Variants in TNFRSF18 observed in about 807,000 individuals in gnomAD.
TNFRSF18 encodes TNF receptor superfamily member 18, also known as tumor necrosis factor receptor superfamily member 18.
In TNFRSF18, 36 loss-of-function variants were observed where a neutral mutation model predicts 30.2. The ratio of observed to expected loss-of-function variants is 1.19; its 90% CI spans 0.91 to 1.58. TNFRSF18 has a LOEUF of 1.58. Among genes scored for constraint, TNFRSF18 ranks in the 40% most tolerant of loss-of-function variants. The pLI is 0.00. For missense variants in TNFRSF18, 369 were observed against 345.4 expected (o/e 1.07, Z -0.54); for synonymous variants, 173 against 158.3 (o/e 1.09, Z -0.70).
Position 1,204,306 on chromosome 1 carries a change from C to T in TNFRSF18, c.399-70G>A, listed in dbSNP as rs1570454187. 14 of 1,591,480 alleles carry T rather than the reference C, an allele frequency of 8.8e-6. No individual in the cohort carries two copies. The East Asian group carries it at 2.7e-4, about 31-fold the overall frequency. On this transcript the variant is annotated intron_variant, in intron 3 of 4. Coordinates refer to ENST00000379268, the MANE Select transcript of TNFRSF18 (RefSeq NM_004195.3). Reference sequence around the variant, plus strand: ...CTCCGATCAGCCCCCGGCTGCTGCCCTCCGTGCTGTCTGGGGCAAGGGACA... The same window carrying T: ...CTCCGATCAGCCCCCGGCTGCTGCCTTCCGTGCTGTCTGGGGCAAGGGACA...
At position 1,206,495 on chromosome 1, in the gene TNFRSF18, T is replaced by C. The variant is rs1294215002; in HGVS notation, c.77A>G (p.Gln26Arg). 1.3e-6 allele frequency: 2 copies of C among 1,545,292 alleles called. No homozygotes were observed. The highest frequency in any genetic ancestry group is 2.8e-5 in the African/African-American group (2 of 72,424). ...GCACCCGGGACCCCCGGTGGGGCGC[T>C]GACCCAGGCTGAGCGCGCACAGCAG... ...LALLCALSLG[Q>R]RPTGGPGCGP... The change falls in exon 1 of 5, where the codon CAG (glutamine) becomes CGG (arginine). Residue 26 changes from glutamine to arginine, a missense_variant. Physicochemically the swap from Gln to Arg is conservative, Grantham distance 43. Coordinates refer to ENST00000379268, the MANE Select transcript of TNFRSF18 (RefSeq NM_004195.3).
rs11466695 is a variant in TNFRSF18 at position 1,203,836 on chromosome 1, G to A, written c.*8C>T. 7,355 of 1,589,568 alleles carry A rather than the reference G, an allele frequency of 4.6e-3. 36 individuals are homozygous for A. The highest frequency in any genetic ancestry group is 5.6e-3 in the Non-Finnish European group (6,593 of 1,173,646). ...GCTGCGGTCGGTGGCCCCGGAGGAC[G>A]GCCAGGCTCACACCCACAGGTCTCC... On this transcript the variant is annotated 3_prime_UTR_variant, in exon 5 of 5. Transcript: ENST00000379268.
chr1:1,206,413 G>A lies in TNFRSF18; in HGVS notation c.159C>T (p.His53=). 3 of 1,547,526 alleles carry A rather than the reference G, an allele frequency of 1.9e-6. No homozygotes were observed. The highest frequency in any genetic ancestry group is 2.6e-6 in the Non-Finnish European group (3 of 1,146,316). Residue 53 remains histidine (H), a synonymous_variant, in exon 1 of 5, where the codon CAC becomes CAT. Coordinates refer to ENST00000379268, the MANE Select transcript of TNFRSF18 (RefSeq NM_004195.3). The stretch of plus-strand genomic sequence containing the variant: ...GGTAATCGCGGCAGCAGCGCGTCGT[G>A]TGAACCCGGCAGCAGCGCGCGTCCG... ...TGTDARCCRV[H]TTRCCRDYPG... is the part of the protein sequence containing the mutation.
intron 2 of TNFRSF18, 22 bp from the exon 3 acceptor site, chr1:1,204,508 G>A (rs900302988): frequency 1.3e-6 from 2 of 1,495,628 alleles, no homozygotes; most frequent in Non-Finnish European, 1.9e-6. Flanking sequence ...TGTGGGGGGA[G>A]GGAGGGAGGG....
At position 1,204,205 on chromosome 1, in the gene TNFRSF18, G is replaced by A. The variant is rs1214676967; in HGVS notation, c.430C>T (p.Pro144Ser). 2 of 1,611,800 alleles carry A rather than the reference G, an allele frequency of 1.2e-6. No individual in the cohort carries two copies. Among genetic ancestry groups the A allele is most frequent in the Non-Finnish European group, 1.7e-6 (2 of 1,179,548 alleles). The part of the protein sequence containing the change: ...CTQFGFLTVF[P>S]GNKTHNAVCV... ...ACAGCGTTGTGGGTCTTGTTCCCAG[G>A]GAACACAGTGAGAAACCCGAACTGG... is the stretch of plus-strand genomic sequence containing the variant. Residue 144 changes from proline to serine, a missense_variant, in exon 4 of 5, where the codon CCT becomes TCT. By Grantham distance (74) the Pro-to-Ser change is moderately conservative. Transcript: ENST00000379268.
At chr1:1,205,656 A>C (rs899969437) in intron 1 of TNFRSF18, 164 bp from the exon 2 acceptor site, 1 of 720,832 alleles carries the variant, frequency 1.4e-6, no homozygotes, top group Non-Finnish European at 2.3e-6. Flanking sequence ...GGGTTTATCC[A>C]GCTGTCTCTT....
Position 1,204,203 on chromosome 1 carries a change from A to G in TNFRSF18, c.432T>C (p.Pro144=). Residue 144 remains proline (P), a synonymous_variant, in exon 4 of 5, where the codon CCT becomes CCC. Coordinates refer to ENST00000379268, the MANE Select transcript of TNFRSF18 (RefSeq NM_004195.3). ...CTQFGFLTVF[P]GNKTHNAVCV... is the part of the protein sequence containing the mutation. ...ACACAGCGTTGTGGGTCTTGTTCCC[A>G]GGGAACACAGTGAGAAACCCGAACT... 1 of 1,611,934 alleles carries G rather than the reference A, an allele frequency of 6.2e-7. No homozygotes were observed. Among genetic ancestry groups the G allele is most frequent in the Non-Finnish European group, 8.5e-7 (1 of 1,179,542 alleles).
At position 1,205,285 on chromosome 1, in the gene TNFRSF18, G is replaced by T. The variant is rs935136468; in HGVS notation, c.310+85C>A. The T allele has an allele frequency of 1.3e-6, 2 of 1,547,286 alleles. No homozygotes were observed. Among genetic ancestry groups the T allele is most frequent in the Admixed American group, 2.0e-5 (1 of 51,248 alleles). ...ACCCCACACACCACATGTCCTCGCC[G>T]GACACCTGTGCCCACGAGCTCTGCC... On this transcript the variant is annotated intron_variant, in intron 2 of 4. Transcript: ENST00000379268.
At position 1,206,450 on chromosome 1, in the gene TNFRSF18, A is replaced by T. The variant is rs1457008558; in HGVS notation, c.122T>A (p.Leu41His). 1.3e-6 allele frequency: 2 copies of T among 1,547,316 alleles called. No homozygotes were observed. The highest frequency in any genetic ancestry group is 8.7e-7 in the Non-Finnish European group (1 of 1,146,220). ...GPGCGPGRLL[L>H]GTGTDARCCR... is the part of the protein sequence containing the mutation. Reference sequence around the variant, plus strand: ...GCAGCGCGCGTCCGTTCCCGTCCCAAGCAGGAGGCGCCCAGGGCCGCACCC... The same window carrying T: ...GCAGCGCGCGTCCGTTCCCGTCCCATGCAGGAGGCGCCCAGGGCCGCACCC... The change falls in exon 1 of 5, where the codon CTT becomes CAT. Residue 41 changes from leucine (L) to histidine (H), a missense_variant. Physicochemically the swap from Leu to His is moderately conservative, Grantham distance 99. Transcript: ENST00000379268.
In TNFRSF18 at chr1:1,205,466, A is replaced by T; in HGVS notation, c.214T>A (p.Cys72Ser). 1 of 1,612,486 alleles carries T rather than the reference A, an allele frequency of 6.2e-7. No homozygotes were observed. Among genetic ancestry groups the T allele is most frequent in the Non-Finnish European group, 8.5e-7 (1 of 1,179,756 alleles). ...TGGAATTCAGGCTGGACACACATGC[A>T]GTCCCACTCGGAACAGCACTCCTCG... ...PGEECCSEWD[C>S]MCVQPEFHCG... The change falls in exon 2 of 5, where the codon TGC becomes AGC. Residue 72 changes from cysteine (C) to serine (S), a missense_variant. Coordinates refer to ENST00000379268, the MANE Select transcript of TNFRSF18 (RefSeq NM_004195.3).
In TNFRSF18 at chr1:1,203,572, A is replaced by G. The variant is rs769106665; in HGVS notation, c.*272T>C. ...GTCCCGTGCTGGGCACTGCACACCCACGGACACAGCCTCCCGTCCTAAGAC... is the reference window on the plus strand; with the variant it reads ...GTCCCGTGCTGGGCACTGCACACCCGCGGACACAGCCTCCCGTCCTAAGAC... On this transcript the variant is annotated 3_prime_UTR_variant, in exon 5 of 5. Coordinates refer to ENST00000379268, the MANE Select transcript of TNFRSF18 (RefSeq NM_004195.3). The G allele has an allele frequency of 4.7e-5, 70 of 1,494,516 alleles. No individual in the cohort carries two copies. The highest frequency in any genetic ancestry group is 5.9e-5 in the Non-Finnish European group (67 of 1,130,744). The allele number at this position is 1,494,516 out of a possible 1,614,324, so 92.6% of individuals were successfully genotyped here. A position where few individuals can be genotyped will look rare whatever the true frequency, so the allele number is the denominator to read the frequency against.
chr1:1,203,816 G>A lies in TNFRSF18; in HGVS notation c.*28C>T, dbSNP rs776400206. The A allele has an allele frequency of 1.7e-5, 27 of 1,580,268 alleles. No individual in the cohort carries two copies. Among genetic ancestry groups the A allele is most frequent in the African/African-American group, 8.1e-5 (6 of 74,498 alleles). The stretch of plus-strand genomic sequence containing the variant: ...GAGCTCCTGGGGAGGGGCTGGCTGC[G>A]GTCGGTGGCCCCGGAGGACGGCCAG... On this transcript the variant is annotated 3_prime_UTR_variant, in exon 5 of 5. Coordinates refer to ENST00000379268, the MANE Select transcript of TNFRSF18 (RefSeq NM_004195.3).
chr1:1,206,423 C>A lies in TNFRSF18; in HGVS notation c.149G>T (p.Cys50Phe), dbSNP rs1361981328. 3.9e-6 allele frequency: 6 copies of A among 1,547,350 alleles called. No homozygotes were observed. Among genetic ancestry groups the A allele is most frequent in the Non-Finnish European group, 5.2e-6 (6 of 1,146,302 alleles). The change falls in exon 1 of 5, where the codon TGC becomes TTC. Residue 50 changes from cysteine to phenylalanine, a missense_variant. Cys to Phe is a radical substitution (Grantham distance 205, BLOSUM62 -2). Coordinates refer to ENST00000379268, the MANE Select transcript of TNFRSF18 (RefSeq NM_004195.3). ...LLGTGTDARCCRVHTTRCCRD... is the reference protein window; with the variant it reads ...LLGTGTDARCFRVHTTRCCRD... The stretch of plus-strand genomic sequence containing the variant: ...GCAGCAGCGCGTCGTGTGAACCCGG[C>A]AGCAGCGCGCGTCCGTTCCCGTCCC...
Position 1,205,386 on chromosome 1 carries a change from CT to C in TNFRSF18, c.293del (p.Gln98ArgfsTer69). On this transcript the variant is annotated frameshift_variant, in exon 2 of 5. Coordinates refer to ENST00000379268, the MANE Select transcript of TNFRSF18 (RefSeq NM_004195.3). LOFTEE classifies it high-confidence loss of function. ...AGGACTTACCCTGGGACTGTACCCC[CT>C]GGCCTGGGGGACAAGGGTGGTGCCG... is the stretch of plus-strand genomic sequence containing the variant. ...TCRHHPCPPG[Q>X]GVQSQGKFSF... 6.2e-7 allele frequency: 1 copy of C among 1,612,282 alleles called. No individual in the cohort carries two copies. Among genetic ancestry groups the C allele is most frequent in the Non-Finnish European group, 8.5e-7 (1 of 1,179,726 alleles).
intron 3 of TNFRSF18, 42 bp from the exon 4 acceptor site, chr1:1,204,278 G>A (rs774965551): frequency 1.3e-5 from 21 of 1,595,260 alleles, no homozygotes; most frequent in Middle Eastern, 1.7e-4. Context: ...CCCCGGACAC[G>A]GCCTCCGATC....
rs1279819787 is a variant in TNFRSF18, at chr1:1,203,689, A to G, written c.*155T>C. 2.6e-6 allele frequency: 4 copies of G among 1,557,596 alleles called. No individual in the cohort carries two copies. The African/African-American group carries it at 5.4e-5, about 21-fold the overall frequency. ...GGCCCAGCCGCGGCCGCCGAACTGC[A>G]TGGTCCAGGGCGCTGGTCACTGCCA... On this transcript the variant is annotated 3_prime_UTR_variant, in exon 5 of 5. Transcript: ENST00000379268.
At position 1,203,652 on chromosome 1, in the gene TNFRSF18, T is replaced by C. The variant is rs369908250; in HGVS notation, c.*192A>G. 31 of 1,548,754 alleles carry C rather than the reference T, an allele frequency of 2.0e-5. No homozygotes were observed. The African/African-American group carries it at 3.7e-4, about 18-fold the overall frequency. The stretch of plus-strand genomic sequence containing the variant: ...AGGGGGCCATGACTGTGTCTCTCTC[T>C]CCCTCCTGCAGGGCCCAGCCGCGGC... On this transcript the variant is annotated 3_prime_UTR_variant, in exon 5 of 5. Transcript: ENST00000379268.
chr1:1,203,888 GCTCGCCCCGCT>G lies in TNFRSF18; in HGVS notation c.671_681del (p.Glu224AlafsTer?). On this transcript the variant is annotated frameshift_variant, in exon 5 of 5. Coordinates refer to ENST00000379268, the MANE Select transcript of TNFRSF18 (RefSeq NM_004195.3). LOFTEE classifies it high-confidence loss of function. ...AGCCGCCCCTTCTCCTCTGCCGATC[GCTCGCCCCGCT>G]CTTCCTCGGGGAACTGGCAGCTTCT... 3 of 1,604,908 alleles carry G rather than the reference GCTCGCCCCGCT, an allele frequency of 1.9e-6. No homozygotes were observed. Among genetic ancestry groups the G allele is most frequent in the Non-Finnish European group, 2.5e-6 (3 of 1,178,858 alleles).
chr1:1,205,410 C>T lies in TNFRSF18; in HGVS notation c.270G>A (p.Arg90=). The change falls in exon 2 of 5, where the codon CGG becomes CGA. Residue 90 remains arginine (R), a synonymous_variant. Transcript: ENST00000379268. ...HCGDPCCTTC[R]HHPCPPGQGV... is the part of the protein sequence containing the mutation. ...CCTGGCCTGGGGGACAAGGGTGGTG[C>T]CGGCAGGTCGTGCAGCAAGGGTCTC... 1 of 1,612,628 alleles carries T rather than the reference C, an allele frequency of 6.2e-7. No homozygotes were observed. The highest frequency in any genetic ancestry group is 8.5e-7 in the Non-Finnish European group (1 of 1,179,838).
Sources: gnomAD v4.1 joint callset for allele counts on GRCh38, gnomAD v4.1.1 for gene constraint, MANE v1.5 for transcripts, NCBI Gene and HGNC (gene_info 2026-07-23, HGNC 2026-07-21) for gene names.